The following CELSR1 variants were observed in gnomAD, a reference collection of about 807,000 sequenced individuals.
CELSR1 encodes the protein cadherin EGF LAG seven-pass G-type receptor 1.
In CELSR1, 110 loss-of-function variants were observed where a neutral mutation model predicts 249.1. The ratio of observed to expected loss-of-function variants is 0.44; its 90% CI spans 0.38 to 0.52. The LOEUF is 0.52. Ranked by LOEUF, CELSR1 falls within the 20% of genes least tolerant of loss-of-function variation. The pLI is 0.00. For missense variants in CELSR1, 4,109 were observed against 4,296.4 expected (o/e 0.96, Z 1.22); for synonymous variants, 2,113 against 1,900.0 (o/e 1.11, Z -2.92).
At chr22:46,386,723 TTAATA>T in intron 18 of CELSR1, 138 bp from the exon 19 acceptor site, 1 of 644,566 alleles carries the variant, frequency 1.6e-6, no homozygotes, top group Non-Finnish European at 2.4e-6. Flanking sequence ...ACTGTGCTCT[TTAATA>T]TTAGTTGTTT....
chr22:46,449,870 C>A (rs2079862346), intron 2 of CELSR1, among the ~76,000 whole-genome samples: 1 of 152,180 alleles, frequency 6.6e-6, no homozygotes, highest in Non-Finnish European at 1.5e-5. Flanking sequence ...CTTTCCACCC[C>A]ATCAGATTCC....
Position 46,407,400 on chromosome 22 carries a change from C to T in CELSR1, c.5226+1596G>A, listed in dbSNP as rs898476241. ...ATCCCAGCACTTTGGGAGGCGGAGG[C>T]GAGTGGATCACCTGAGGTCAGGAGT... is the stretch of plus-strand genomic sequence containing the variant. On this transcript the variant is annotated intron_variant, in intron 9 of 34. Coordinates refer to ENST00000674500, the MANE Select transcript of CELSR1 (RefSeq NM_001378328.1). This position sits in a 1 kb window ranked among gnomAD's most constrained non-coding sequence, Gnocchi z 4.8. Among the ~76,000 whole-genome samples, 5 of 152,094 alleles carry T rather than the reference C, an allele frequency of 3.3e-5. No homozygotes were observed. Among genetic ancestry groups the T allele is most frequent in the Admixed American group, 2.6e-4 (4 of 15,268 alleles).
intron 1 of CELSR1, among the ~76,000 whole-genome samples, chr22:46,508,253 C>T (rs970436557): frequency 9.3e-5 from 14 of 150,108 alleles, no homozygotes; most frequent in African/African-American, 1.7e-4. Flanking sequence ...AACTGGCCCC[C>T]GCGGGACAGA....
In CELSR1 at chr22:46,454,633, C is replaced by T. The variant is rs13056658; in HGVS notation, c.4183+9074G>A. ...GTTTGTTCCTCACTGACTCACATTC[C>T]ACACCTAGTTCAGCTCGCCCACCTC... On this transcript the variant is annotated intron_variant, in intron 2 of 34. Transcript: ENST00000674500. The surrounding 1 kb of genome is among the most constrained non-coding windows in gnomAD (Gnocchi z 5.1). Among the ~76,000 whole-genome samples the T allele has an allele frequency of 0.24, 36,218 of 152,218 alleles. 4,653 individuals are homozygous for T. Among genetic ancestry groups the T allele is most frequent in the Non-Finnish European group, 0.28 (18,699 of 67,992 alleles).
intron 19 of CELSR1, 75 bp from the exon 20 acceptor site, chr22:46,384,761 C>T (rs2079014848): frequency 1.4e-6 from 2 of 1,458,000 alleles, no homozygotes; most frequent in African/African-American, 2.9e-5. Context: ...AAAATGACCA[C>T]AACTGTCACA....
chr22:46,534,365 C>T lies in CELSR1; in HGVS notation c.2806G>A (p.Asp936Asn), dbSNP rs746156904. ...RLLYTFQGGD[D>N]GDGDFYIEPT... is the part of the protein sequence containing the mutation. ...TCGATGTAGAAGTCCCCATCGCCGTCGTCCCCACCCTGGAAGGTGTACAGC... is the reference window on the plus strand; with the variant it reads ...TCGATGTAGAAGTCCCCATCGCCGTTGTCCCCACCCTGGAAGGTGTACAGC... The change falls in exon 1 of 35, where the codon GAC becomes AAC. Residue 936 changes from aspartate to asparagine, a missense_variant. Transcript: ENST00000674500. The surrounding 1 kb of genome is among the most constrained non-coding windows in gnomAD (Gnocchi z 9.7). The T allele has an allele frequency of 2.8e-5, 45 of 1,612,800 alleles. No homozygotes were observed. In the Admixed American group the frequency reaches 6.7e-4, roughly 24 times the overall value.
chr22:46,525,521 G>A (rs1029276928), intron 1 of CELSR1, among the ~76,000 whole-genome samples: 4 of 152,046 alleles, frequency 2.6e-5, no homozygotes, highest in African/African-American at 7.2e-5. Flanking sequence ...AGGGAATTTG[G>A]GGCATTTATA....
At position 46,390,838 on chromosome 22, in the gene CELSR1, G is replaced by A. The variant is rs1040704829; in HGVS notation, c.6250+348C>T. 2.6e-5 allele frequency among the ~76,000 whole-genome samples: 4 copies of A among 152,184 alleles called. No homozygotes were observed. Among genetic ancestry groups the A allele is most frequent in the Non-Finnish European group, 5.9e-5 (4 of 68,026 alleles). On this transcript the variant is annotated intron_variant, in intron 16 of 34. Transcript: ENST00000674500. This position sits in a 1 kb window ranked among gnomAD's most constrained non-coding sequence, Gnocchi z 6.3. ...CCTTGCCTCACTGGATTTTCCAGAC[G>A]CCCCTCACAGAGTGGACACAGTCAA...
In CELSR1 at chr22:46,448,547, C is replaced by T; in HGVS notation, c.4184-9136G>A. 1 of 439,650 alleles carries T rather than the reference C, an allele frequency of 2.3e-6. No individual in the cohort carries two copies. Among genetic ancestry groups the T allele is most frequent in the Non-Finnish European group, 4.5e-6 (1 of 220,996 alleles). The allele number at this position is 439,650 out of a possible 1,614,324, so 27.2% of individuals were successfully genotyped here. A position where few individuals can be genotyped will look rare whatever the true frequency, so the allele number is the denominator to read the frequency against. On this transcript the variant is annotated intron_variant, in intron 2 of 34. Coordinates refer to ENST00000674500, the MANE Select transcript of CELSR1 (RefSeq NM_001378328.1). The surrounding 1 kb of genome is among the most constrained non-coding windows in gnomAD (Gnocchi z 5.7). ...TTCTTAAATAAATAAAAAGACAATTCCTTTCTGGTCCTAAGAAACAGCTAA... is the reference window on the plus strand; with the variant it reads ...TTCTTAAATAAATAAAAAGACAATTTCTTTCTGGTCCTAAGAAACAGCTAA...
chr22:46,385,821 A>G (rs1354145640), intron 19 of CELSR1, among the ~76,000 whole-genome samples: 4 of 150,846 alleles, frequency 2.7e-5, no homozygotes, highest in Non-Finnish European at 3.0e-5. Context: ...GGGACTACAA[A>G]CGCCCACCAC....
chr22:46,450,408 G>A (rs186463676), intron 2 of CELSR1, among the ~76,000 whole-genome samples: 148 of 152,370 alleles, frequency 9.7e-4, no homozygotes, highest in African/African-American at 3.2e-3. Context: ...GTATCCCCAG[G>A]TTCACATTTG....
At position 46,407,843 on chromosome 22, in the gene CELSR1, C is replaced by A. The variant is rs1282638216; in HGVS notation, c.5226+1153G>T. On this transcript the variant is annotated intron_variant, in intron 9 of 34. Transcript: ENST00000674500. The surrounding 1 kb of genome is among the most constrained non-coding windows in gnomAD (Gnocchi z 4.8). The stretch of plus-strand genomic sequence containing the variant: ...GCCCAGTGAGTTTTCAGAGCTAGAC[C>A]CTGATCAGAAAGGGTCACAGCAGCT... Among the ~76,000 whole-genome samples the A allele has an allele frequency of 6.6e-6, 1 of 152,140 alleles. No individual in the cohort carries two copies. Among genetic ancestry groups the A allele is most frequent in the Non-Finnish European group, 1.5e-5 (1 of 68,028 alleles).
At chr22:46,426,053 G>A (rs539735189) in intron 5 of CELSR1, among the ~76,000 whole-genome samples, 73 of 138,076 alleles carry the variant, frequency 5.3e-4, no homozygotes, top group East Asian at 1.7e-3. Context: ...TTTCAGTCAC[G>A]TCTCTATGCA....
At chr22:46,530,330 A>C (rs1442680580) in intron 1 of CELSR1, 1 of 149,182 alleles carries the variant, frequency 6.7e-6, no homozygotes, top group Non-Finnish European at 1.5e-5. Context: ...ATTTATATAT[A>C]ATTCATTATA....
chr22:46,480,434 T>A (rs1448927828), intron 1 of CELSR1, among the ~76,000 whole-genome samples: 2 of 152,228 alleles, frequency 1.3e-5, no homozygotes, highest in Non-Finnish European at 2.9e-5. Flanking sequence ...AAAGTTCTTA[T>A]CCAAATGAGT....
rs546174792 is a variant in CELSR1, at chr22:46,418,513, AAATAT to A, written c.4612-6759_4612-6755del. 4.2e-3 allele frequency among the ~76,000 whole-genome samples: 636 copies of A among 152,326 alleles called. 5 individuals carry two copies. Among genetic ancestry groups the A allele is most frequent in the African/African-American group, 0.014 (600 of 41,582 alleles). On this transcript the variant is annotated intron_variant, in intron 5 of 34. Coordinates refer to ENST00000674500, the MANE Select transcript of CELSR1 (RefSeq NM_001378328.1). ...ATAAATAAATAAATAAATTAAAATA[AAATAT>A]AACATAAAATCATAAAGTTGATTTT...
In CELSR1 at chr22:46,473,514, G is replaced by A. The variant is rs7292806; in HGVS notation, c.3545-9169C>T. ...GGCCACTTATTCACTGTGAGTCTCC[G>A]TCACCACCCCATGCACCAAAGCCTG... On this transcript the variant is annotated intron_variant, in intron 1 of 34. Coordinates refer to ENST00000674500, the MANE Select transcript of CELSR1 (RefSeq NM_001378328.1). The surrounding 1 kb of genome is among the most constrained non-coding windows in gnomAD (Gnocchi z 6.6). Among the ~76,000 whole-genome samples the A allele has an allele frequency of 0.16, 25,030 of 152,094 alleles. 2,256 individuals are homozygous for A. The highest frequency in any genetic ancestry group is 0.23 in the African/African-American group (9,411 of 41,492).
At chr22:46,513,314 T>C (rs1289755186) in intron 1 of CELSR1, among the ~76,000 whole-genome samples, 1 of 152,122 alleles carries the variant, frequency 6.6e-6, no homozygotes, top group African/African-American at 2.4e-5. Context: ...ACATGGCCTG[T>C]AAGTGTGCAA....
rs1228963948 is a variant in CELSR1 at position 46,423,118 on chromosome 22, CCT to C, written c.4611+10273_4611+10274del. Among the ~76,000 whole-genome samples the C allele has an allele frequency of 2.0e-5, 3 of 152,146 alleles. No homozygotes were observed. The highest frequency in any genetic ancestry group is 6.5e-5 in the Admixed American group (1 of 15,280). ...GAAAGCACCGTGCACTGGGACTCGC[CCT>C]CTCTGGCTGCTAGGAACCCCCTGCC... On this transcript the variant is annotated intron_variant, in intron 5 of 34. Coordinates refer to ENST00000674500, the MANE Select transcript of CELSR1 (RefSeq NM_001378328.1). The surrounding 1 kb of genome is among the most constrained non-coding windows in gnomAD (Gnocchi z 5.6).
Sources: gnomAD v4.1 joint callset for allele counts (sites outside exome capture counted in the v4.1 genomes callset) on GRCh38, gnomAD v4.1.1 for gene constraint, Gnocchi (gnomAD v3.1) non-coding constraint, MANE v1.5 for transcripts, NCBI Gene and HGNC (gene_info 2026-07-23, HGNC 2026-07-21) for gene names.